Variants in SGCD observed in about 807,000 individuals in gnomAD.
SGCD encodes sarcoglycan delta.
SGCD carries 18 observed loss-of-function variants against 36.6 expected under a neutral mutation model. The observed-to-expected ratio is 0.49, with a 90% CI of 0.34 to 0.73. SGCD has a LOEUF of 0.73. SGCD is among the 30% of genes least tolerant of loss of function. The pLI, the probability that SGCD is intolerant of heterozygous loss-of-function variation, is 0.01. For missense variants in SGCD, 387 were observed against 346.7 expected (o/e 1.12, Z -0.92); for synonymous variants, 133 against 130.6 (o/e 1.02, Z -0.12).
chr5:156,716,382 A>C (rs1282487975), intron 7 of SGCD, among the ~76,000 whole-genome samples: 1 of 152,226 alleles, frequency 6.6e-6, no homozygotes, highest in Non-Finnish European at 1.5e-5. Context: ...TTTCCACTGC[A>C]CATTTTCTGC....
intron 7 of SGCD, among the ~76,000 whole-genome samples, chr5:156,727,512 A>G (rs1755838970): frequency 6.6e-6 from 1 of 152,234 alleles, no homozygotes; most frequent in Non-Finnish European, 1.5e-5. Flanking sequence ...TATAGAACTG[A>G]AGAATACCTA....
chr5:155,978,158 C>T (rs1162724302), intron 1 of SGCD, among the ~76,000 whole-genome samples: 3 of 152,096 alleles, frequency 2.0e-5, no homozygotes, highest in Non-Finnish European at 4.4e-5. Flanking sequence ...TCTGAAAAGA[C>T]CAGAATGTGG....
Position 156,045,526 on chromosome 5 carries a change from A to G in SGCD, c.-281-72352A>G, listed in dbSNP as rs962114921. Reference sequence around the variant, plus strand: ...AGGCATCTGATTGTTATGGACCTATATAATTCAGCCTGGCTGCCATCACAA... The same window carrying G: ...AGGCATCTGATTGTTATGGACCTATGTAATTCAGCCTGGCTGCCATCACAA... On this transcript the variant is annotated intron_variant, in intron 1 of 9. Transcript: ENST00000517913. Among the ~76,000 whole-genome samples, 35 of 152,182 alleles carry G rather than the reference A, an allele frequency of 2.3e-4. 1 individual carries two copies. The highest frequency in any genetic ancestry group is 1.8e-3 in the Admixed American group (28 of 15,270).
chr5:155,849,442 G>A, the SGCD span, among the ~76,000 whole-genome samples: 42,219 of 142,046 alleles, frequency 0.3, 7,408 homozygotes, highest in East Asian at 0.46. Context: ...ACACATGTGC[G>A]CGCGCACACA....
intron 7 of SGCD, among the ~76,000 whole-genome samples, chr5:156,738,922 G>A (rs577895784): frequency 8.5e-5 from 13 of 152,310 alleles, no homozygotes; most frequent in African/African-American, 3.1e-4. Flanking sequence ...CAGATGAGGT[G>A]CTTGGGCTCA....
At chr5:156,431,240 T>C (rs1356488127) in intron 3 of SGCD, among the ~76,000 whole-genome samples, 5 of 152,296 alleles carry the variant, frequency 3.3e-5, no homozygotes, top group Non-Finnish European at 4.4e-5. Flanking sequence ...AATGTTGATG[T>C]TCCAAGTAGG....
chr5:155,833,068 A>AAAAAAAAAAAAAAAAAG, the SGCD span, among the ~76,000 whole-genome samples: 1 of 142,642 alleles, frequency 7.0e-6, no homozygotes, highest in Non-Finnish European at 1.5e-5. Flanking sequence ...AAAAAAAAAA[A>AAAAAAAAAAAAAAAAAG]AAAGAAAAAA....
chr5:156,245,305 A>G (rs1765413644), intron 3 of SGCD, among the ~76,000 whole-genome samples: 1 of 152,330 alleles, frequency 6.6e-6, no homozygotes, highest in Non-Finnish European at 1.5e-5. Context: ...ACAGCACCTC[A>G]GGATATTCGA....
At chr5:156,146,723 G>A (rs1028435885) in intron 3 of SGCD, among the ~76,000 whole-genome samples, 2 of 152,100 alleles carry the variant, frequency 1.3e-5, no homozygotes, top group Admixed American at 6.6e-5. Flanking sequence ...AGTAATATAA[G>A]ACTAAAAATA....
At chr5:156,684,929 T>C (rs1282864723) in intron 7 of SGCD, among the ~76,000 whole-genome samples, 1 of 151,930 alleles carries the variant, frequency 6.6e-6, no homozygotes, top group Non-Finnish European at 1.5e-5. Context: ...GCAGGAGTAC[T>C]AGGGAGAAAA....
intron 1 of SGCD, among the ~76,000 whole-genome samples, chr5:155,878,688 C>T (rs1755815933): frequency 6.6e-6 from 1 of 152,066 alleles, no homozygotes; most frequent in African/African-American, 2.4e-5. Context: ...GGAGAAATGA[C>T]TGTTAGATTG....
chr5:156,642,673 T>C (rs1007476430), intron 6 of SGCD, among the ~76,000 whole-genome samples: 1 of 151,884 alleles, frequency 6.6e-6, no homozygotes, highest in Non-Finnish European at 1.5e-5. Context: ...TTCATCATGT[T>C]GGCCAGGGTG....
intron 3 of SGCD, among the ~76,000 whole-genome samples, 169 bp downstream of exon 3, chr5:156,344,846 C>T (rs1477793998): frequency 6.6e-6 from 1 of 152,138 alleles, no homozygotes; most frequent in Non-Finnish European, 1.5e-5. Context: ...TGGATATTGA[C>T]TTCTATCTAA....
At chr5:156,347,302 G>A (rs1769002388) in intron 3 of SGCD, among the ~76,000 whole-genome samples, 1 of 152,198 alleles carries the variant, frequency 6.6e-6, no homozygotes, top group Non-Finnish European at 1.5e-5. Context: ...ATCTGTCGAT[G>A]TGCATGTTCT....
At chr5:155,891,876 G>A (rs1756140170) in intron 1 of SGCD, among the ~76,000 whole-genome samples, 2 of 152,204 alleles carry the variant, frequency 1.3e-5, no homozygotes, top group East Asian at 1.9e-4. Flanking sequence ...AAATGTGGCA[G>A]CAGCATTAGG....
intron 7 of SGCD, among the ~76,000 whole-genome samples, chr5:156,652,519 C>T (rs1391938892): frequency 1.3e-4 from 20 of 152,094 alleles, no homozygotes; most frequent in Admixed American, 1.3e-3. Flanking sequence ...TACACACACA[C>T]ATACACAGAA....
At chr5:155,960,643 C>A (rs1757774880) in intron 1 of SGCD, among the ~76,000 whole-genome samples, 1 of 152,118 alleles carries the variant, frequency 6.6e-6, no homozygotes, top group African/African-American at 2.4e-5. Context: ...ACTCATTTGA[C>A]CTTGTTAAGC....
intron 4 of SGCD, among the ~76,000 whole-genome samples, chr5:156,580,149 A>G (rs895326457): frequency 6.6e-6 from 1 of 152,080 alleles, no homozygotes; most frequent in African/African-American, 2.4e-5. Flanking sequence ...TCTGTAAAGG[A>G]TTTTATTTCT....
chr5:155,897,948 G>C (rs1390757567), intron 1 of SGCD, among the ~76,000 whole-genome samples: 2 of 152,168 alleles, frequency 1.3e-5, no homozygotes, highest in African/African-American at 4.8e-5. Context: ...ATGCTGAATT[G>C]CTAGCGTCTA....
Sources: allele counts gnomAD v4.1 joint callset (sites outside exome capture counted in the v4.1 genomes callset), GRCh38; gene constraint gnomAD v4.1.1; transcripts MANE v1.5; gene names NCBI Gene and HGNC (gene_info 2026-07-23, HGNC 2026-07-21).